The following SGK1 variants were observed in gnomAD, a reference collection of about 807,000 sequenced individuals.
The protein encoded by SGK1 is serum/glucocorticoid regulated kinase 1.
In SGK1, 26 loss-of-function variants were observed where a neutral mutation model predicts 64.2. The ratio of observed to expected loss-of-function variants is 0.40; its 90% CI spans 0.30 to 0.56. The LOEUF is 0.56. Among genes scored for constraint, SGK1 ranks in the 20% least tolerant of loss-of-function variants. SGK1 has a pLI of 0.38. For missense variants in SGK1, 519 were observed against 645.6 expected (o/e 0.80, Z 2.12); for synonymous variants, 265 against 239.7 (o/e 1.11, Z -0.98).
chr6:134,291,960 A>T lies in SGK1; in HGVS notation c.69+25432T>A, dbSNP rs184073352. On this transcript the variant is annotated intron_variant, in intron 1 of 13. Coordinates refer to ENST00000367858, the MANE Select transcript of SGK1 (RefSeq NM_001143676.3). ...CACGTGCTTTTAATCCCAGCTATTC[A>T]GGAGGCTGAGGGACAAGCCTTGAAC... Among the ~76,000 whole-genome samples the T allele has an allele frequency of 5.1e-3, 775 of 151,996 alleles. 6 individuals are homozygous for T. Among genetic ancestry groups the T allele is most frequent in the Non-Finnish European group, 6.4e-3 (436 of 67,968 alleles).
intron 2 of SGK1, among the ~76,000 whole-genome samples, chr6:134,213,841 G>A (rs1054767556): frequency 6.6e-6 from 1 of 151,656 alleles, no homozygotes; most frequent in Non-Finnish European, 1.5e-5. Context: ...GATTGAGGAG[G>A]GGCAAAAACG....
Position 134,170,275 on chromosome 6 carries a change from A to C in SGK1, c.1574T>G (p.Phe525Cys). ...GFSYAPPTDSFL is the reference protein window; with the variant it reads ...GFSYAPPTDSCL ...ACCAAGCCCTAACAGGGTTCAGAGG[A>C]AAGAGTCCGTGGGAGGCGCATAGGA... Residue 525 changes from phenylalanine to cysteine, a missense_variant, in exon 14 of 14, where the codon TTC (phenylalanine) becomes TGC (cysteine). Around this residue, in one of 2 missense-constraint regions of SGK1, gnomAD observed 278 missense variants for 408.7 expected, o/e 0.68. Transcript: ENST00000367858. 6.2e-7 allele frequency: 1 copy of C among 1,611,512 alleles called. No individual in the cohort carries two copies. Among genetic ancestry groups the C allele is most frequent in the Non-Finnish European group, 8.5e-7 (1 of 1,178,020 alleles).
chr6:134,236,004 C>T (rs1238114473), intron 2 of SGK1, among the ~76,000 whole-genome samples: 2 of 152,180 alleles, frequency 1.3e-5, no homozygotes, highest in African/African-American at 4.8e-5. Flanking sequence ...TAGGTCAGCC[C>T]TGATTTTGAG....
At position 134,171,788 on chromosome 6, in the gene SGK1, C is replaced by T. The variant is rs75628684; in HGVS notation, c.1072-56G>A. 1.6e-3 allele frequency: 1,792 copies of T among 1,130,286 alleles called. 20 individuals are homozygous for T. The African/African-American group carries it at 0.02, about 13-fold the overall frequency. 70.0% of individuals were successfully genotyped at this position (1,130,286 alleles called of 1,614,324 possible). On this transcript the variant is annotated intron_variant, in intron 10 of 13. Coordinates refer to ENST00000367858, the MANE Select transcript of SGK1 (RefSeq NM_001143676.3). ...GAACCTGCGAAAGCAAGCAATCCCA[C>T]GACCACACATTTAGTTTGAAAAAGC...
chr6:134,301,531 T>TTCTTCTCTTCTCTTC lies in SGK1; in HGVS notation c.69+15846_69+15860dup, dbSNP rs56681881. Among the ~76,000 whole-genome samples, 509 of 139,116 alleles carry TTCTTCTCTTCTCTTC rather than the reference T, an allele frequency of 3.7e-3. 4 individuals are homozygous for TTCTTCTCTTCTCTTC. The highest frequency in any genetic ancestry group is 0.011 in the East Asian group (56 of 4,888). The allele number at this position is 139,116 out of a possible 152,430, so 91.3% of individuals were successfully genotyped here. On this transcript the variant is annotated intron_variant, in intron 1 of 13. Coordinates refer to ENST00000367858, the MANE Select transcript of SGK1 (RefSeq NM_001143676.3). The stretch of plus-strand genomic sequence containing the variant: ...CTTTTCTTCTCTTCTCTTTTCTCTT[T>TTCTTCTCTTCTCTTC]TCTTCTCTTCTCTTCTCTTCTCTTC...
chr6:134,298,035 C>A, intron 1 of SGK1: 1 of 981,618 alleles, frequency 1.0e-6, no homozygotes, highest in Non-Finnish European at 1.6e-6. Flanking sequence ...CCGATCTCTT[C>A]ATACAGCTGC....
intron 1 of SGK1, among the ~76,000 whole-genome samples, chr6:134,266,247 AG>A (rs1218928928): frequency 6.6e-6 from 1 of 151,908 alleles, no homozygotes; most frequent in Non-Finnish European, 1.5e-5. Flanking sequence ...AGCCTCCCAA[AG>A]GGCTGGTAAT....
intron 1 of SGK1, among the ~76,000 whole-genome samples, chr6:134,276,341 T>A (rs1287812169): frequency 2.0e-5 from 3 of 152,188 alleles, no homozygotes; most frequent in African/African-American, 7.2e-5. Flanking sequence ...CATGAGTTCA[T>A]CTCTGGGGAG....
In SGK1 at chr6:134,170,933, AAG is replaced by A; in HGVS notation, c.1324-20_1324-19del. 4.4e-6 allele frequency: 7 copies of A among 1,608,792 alleles called. No individual in the cohort carries two copies. The highest frequency in any genetic ancestry group is 6.0e-6 in the Non-Finnish European group (7 of 1,175,298). On this transcript the variant is annotated intron_variant, in intron 12 of 13. Transcript: ENST00000367858. ...ATCTCCATCTGTTGATAAGAAACCC[AAG>A]ATTAATTTAGACAGGTGCATTCAAT...
intron 2 of SGK1, among the ~76,000 whole-genome samples, chr6:134,216,310 G>C (rs4896027): frequency 0.92 from 139,406 of 152,196 alleles, 64,050 homozygotes; most frequent in East Asian, 1. Context: ...TTCCTATTAG[G>C]CAGGGAAGTT....
chr6:134,200,821 T>C (rs1482504395), intron 3 of SGK1, among the ~76,000 whole-genome samples: 1 of 151,950 alleles, frequency 6.6e-6, no homozygotes, highest in African/African-American at 2.4e-5. Flanking sequence ...GGAGGATCGC[T>C]TGAGCCCAGT....
chr6:134,207,281 T>C, intron 3 of SGK1, 75 bp downstream of exon 3: 1 of 898,508 alleles, frequency 1.1e-6, no homozygotes, highest in East Asian at 2.5e-5. Flanking sequence ...CCCCAAACCT[T>C]GCCTTTGTGT....
chr6:134,297,029 C>A, intron 1 of SGK1: 1 of 440,502 alleles, frequency 2.3e-6, no homozygotes, highest in East Asian at 5.3e-5. Flanking sequence ...ACTTGGACAC[C>A]AGCTTCCCAT....
intron 1 of SGK1, among the ~76,000 whole-genome samples, chr6:134,266,531 C>T (rs1435088169): frequency 6.6e-6 from 1 of 152,178 alleles, no homozygotes; most frequent in African/African-American, 2.4e-5. Context: ...AGAAGAACGG[C>T]TTGAACCTCG....
In SGK1 at chr6:134,317,762, T is replaced by A. The variant is rs984031649; in HGVS notation, c.-302A>T. On this transcript the variant is annotated 5_prime_UTR_variant, in exon 1 of 14. Transcript: ENST00000367858. Reference sequence around the variant, plus strand: ...GGGATACGGCCAATCTCCGGGGAGATGCTGTGGCTCTTACCGAGCGGGAGA... The same window carrying A: ...GGGATACGGCCAATCTCCGGGGAGAAGCTGTGGCTCTTACCGAGCGGGAGA... 3.1e-6 allele frequency: 1 copy of A among 327,428 alleles called. No homozygotes were observed. The highest frequency in any genetic ancestry group is 2.1e-5 in the African/African-American group (1 of 47,326). 20.3% of individuals were successfully genotyped at this position (327,428 alleles called of 1,614,324 possible).
intron 9 of SGK1, 133 bp from the exon 10 acceptor site, chr6:134,172,449 G>A (rs1457502733): frequency 6.5e-6 from 6 of 923,978 alleles, no homozygotes; most frequent in East Asian, 2.5e-5. Context: ...AAAAAAGGGA[G>A]CCCTTGTTCT....
At chr6:134,296,292 AG>A (rs1218094587) in intron 1 of SGK1, among the ~76,000 whole-genome samples, 2 of 152,166 alleles carry the variant, frequency 1.3e-5, no homozygotes, top group Non-Finnish European at 2.9e-5. Flanking sequence ...TTGTTTTTAT[AG>A]GCGAGATATT....
intron 3 of SGK1, among the ~76,000 whole-genome samples, chr6:134,176,384 G>A (rs2114646705): frequency 6.6e-6 from 1 of 152,370 alleles, no homozygotes; most frequent in South Asian, 2.1e-4. Context: ...AGAAGGCAGG[G>A]AAGAGAGGGA....
At chr6:134,277,862 C>T (rs1777040105) in intron 1 of SGK1, among the ~76,000 whole-genome samples, 1 of 152,100 alleles carries the variant, frequency 6.6e-6, no homozygotes, top group Admixed American at 6.6e-5. Flanking sequence ...AGTCAATTTA[C>T]AAGTGATTTG....
Sources: allele counts gnomAD v4.1 joint callset (sites outside exome capture counted in the v4.1 genomes callset), GRCh38; gene constraint gnomAD v4.1.1; regional missense constraint gnomAD v4.1.1; transcripts MANE v1.5; gene names NCBI Gene and HGNC (gene_info 2026-07-23, HGNC 2026-07-21).